NTRK3: variants seen among roughly 807,000 people sequenced by gnomAD.
The protein encoded by NTRK3 is NT-3 growth factor receptor.
NTRK3 carries 24 observed loss-of-function variants against 91.7 expected under a neutral mutation model. The observed-to-expected ratio is 0.26, with a 90% CI of 0.19 to 0.37. The LOEUF (loss-of-function observed/expected upper bound fraction) is 0.37. NTRK3 is among the 10% of genes least tolerant of loss of function. The pLI, the probability that NTRK3 is intolerant of heterozygous loss-of-function variation, is 1.00. For missense variants in NTRK3, 880 were observed against 1,068.9 expected (o/e 0.82, Z 2.46); for synonymous variants, 483 against 404.0 (o/e 1.20, Z -2.34).
chr15:88,010,753 C>CAT (rs951967880), intron 14 of NTRK3, among the ~76,000 whole-genome samples: 5 of 151,248 alleles, frequency 3.3e-5, no homozygotes, highest in African/African-American at 1.2e-4. Context: ...CACACCCACA[C>CAT]ACACACACAC....
chr15:88,192,525 A>G (rs2047492268), intron 3 of NTRK3, among the ~76,000 whole-genome samples: 1 of 151,956 alleles, frequency 6.6e-6, no homozygotes, highest in Admixed American at 6.6e-5. Flanking sequence ...CTCTTCAACA[A>G]TCTACATTAT....
At position 87,912,762 on chromosome 15, in the gene NTRK3, G is replaced by A. The variant is rs528493593; in HGVS notation, c.2133+16429C>T. Among the ~76,000 whole-genome samples, 5 of 150,256 alleles carry A rather than the reference G, an allele frequency of 3.3e-5. No homozygotes were observed. The South Asian group carries it at 8.5e-4, about 26-fold the overall frequency. ...ATGCTTACCCAAATTTCATCCAGAC[G>A]TTTATCAAGGTCTCTCATAGAATAC... is the stretch of plus-strand genomic sequence containing the variant. On this transcript the variant is annotated intron_variant, in intron 17 of 18. Coordinates refer to ENST00000394480, the Ensembl canonical transcript of NTRK3.
chr15:87,880,258 C>G lies in NTRK3; in HGVS notation c.2292+12G>C, dbSNP rs1233734139. ...CTCCCCCAATCAAGATTCCTACGCA[C>G]CCCCTTTTTACCTCCGTGTTTGAGA... On this transcript the variant is annotated intron_variant, in intron 18 of 18. Transcript: ENST00000394480. The G allele has an allele frequency of 6.2e-7, 1 of 1,613,940 alleles. No individual in the cohort carries two copies. Among genetic ancestry groups the G allele is most frequent in the Non-Finnish European group, 8.5e-7 (1 of 1,179,906 alleles).
At chr15:87,919,001 T>C (rs2067657924) in intron 17 of NTRK3, among the ~76,000 whole-genome samples, 1 of 152,208 alleles carries the variant, frequency 6.6e-6, no homozygotes, top group South Asian at 2.1e-4. Context: ...AAGCCATGGA[T>C]GTATCTAAAA....
chr15:87,866,145 A>G (rs1395291947), exon 19 of NTRK3: 4 of 225,690 alleles, frequency 1.8e-5, no homozygotes, highest in Non-Finnish European at 3.5e-5. Context: ...TATGTTAAGA[A>G]ACTGAGGTAA....
At chr15:88,221,570 C>A (rs2050238825) in intron 3 of NTRK3, among the ~76,000 whole-genome samples, 1 of 152,102 alleles carries the variant, frequency 6.6e-6, no homozygotes, top group African/African-American at 2.4e-5. Context: ...GCAGGTGGAT[C>A]CCTTGAGCCC....
At chr15:88,167,712 C>T (rs1045329505) in intron 5 of NTRK3, among the ~76,000 whole-genome samples, 10 of 152,106 alleles carry the variant, frequency 6.6e-5, no homozygotes, top group African/African-American at 2.4e-4. Flanking sequence ...CTGACCACCC[C>T]GACTCCATGT....
rs1035799438 is a variant in NTRK3 at position 87,964,970 on chromosome 15, ATGTG to A, written c.1586-24221_1586-24218del. ...TCTGTGCAAGTTTGTGTGTGTGTAT[ATGTG>A]TGTATTTTTTTAACCATGTGGTGAA... On this transcript the variant is annotated intron_variant, in intron 14 of 18. Transcript: ENST00000394480. Among the ~76,000 whole-genome samples, 11 of 152,312 alleles carry A rather than the reference ATGTG, an allele frequency of 7.2e-5. 1 individual carries two copies. The highest frequency in any genetic ancestry group is 2.6e-4 in the Admixed American group (4 of 15,300).
chr15:88,060,591 T>C (rs2046129847), intron 13 of NTRK3, among the ~76,000 whole-genome samples: 1 of 152,002 alleles, frequency 6.6e-6, no homozygotes, highest in Admixed American at 6.6e-5. Flanking sequence ...AGCCAGGCCG[T>C]GCATGACCAT....
At chr15:88,139,898 T>A (rs1422022504) in intron 6 of NTRK3, among the ~76,000 whole-genome samples, 1 of 110,692 alleles carries the variant, frequency 9.0e-6, no homozygotes, top group Non-Finnish European at 1.6e-5. Flanking sequence ...GGAGCTCATA[T>A]AGGCAAAGAC....
chr15:88,190,188 G>C (rs1462335322), intron 3 of NTRK3, among the ~76,000 whole-genome samples: 1 of 152,140 alleles, frequency 6.6e-6, no homozygotes, highest in East Asian at 1.9e-4. Flanking sequence ...CTGTCAGATT[G>C]CTGTTATCTT....
At chr15:88,226,191 C>G (rs561180147) in intron 3 of NTRK3, among the ~76,000 whole-genome samples, 1 of 152,292 alleles carries the variant, frequency 6.6e-6, no homozygotes, top group South Asian at 2.1e-4. Context: ...AGCTCTGGGA[C>G]CAAGAGTCCT....
At position 88,136,318 on chromosome 15, in the gene NTRK3, G is replaced by A. The variant is rs138365542; in HGVS notation, c.765+149C>T. On this transcript the variant is annotated intron_variant, in intron 8 of 18. Coordinates refer to ENST00000394480, the Ensembl canonical transcript of NTRK3. ...AAAAGTTGAGTAGCATGTATAGAGC[G>A]AAATGGCTAGAAAATATTGCAGCTG... is the stretch of plus-strand genomic sequence containing the variant. The A allele has an allele frequency of 1.9e-3, 2,084 of 1,100,988 alleles. 21 individuals carry two copies. The East Asian group carries it at 0.024, about 12-fold the overall frequency. The allele number at this position is 1,100,988 out of a possible 1,614,324, so 68.2% of individuals were successfully genotyped here.
chr15:87,912,931 A>ATATATATATATATATAT (rs1567099538), intron 17 of NTRK3, among the ~76,000 whole-genome samples: 20 of 36,418 alleles, frequency 5.5e-4, no homozygotes, highest in Non-Finnish European at 8.0e-4. Flanking sequence ...AGTAAAAAAA[A>ATATATATATATATATAT]ATATATATAT....
intron 13 of NTRK3, among the ~76,000 whole-genome samples, chr15:88,070,362 G>A (rs1013191320): frequency 6.6e-6 from 1 of 152,028 alleles, no homozygotes; most frequent in Admixed American, 6.6e-5. Flanking sequence ...GAGCCAGAAG[G>A]AAGGCAAGCA....
Position 87,933,215 on chromosome 15 carries a change from C to T in NTRK3, c.1717-31G>A, listed in dbSNP as rs1207793014. 5.6e-6 allele frequency: 9 copies of T among 1,612,728 alleles called. No homozygotes were observed. The Admixed American group carries it at 1.3e-4, about 24-fold the overall frequency. The stretch of plus-strand genomic sequence containing the variant: ...AACAATGCAGGACACAGGTGTTTAA[C>T]AACTACAGGGCAGGGGGCTGTCTTT... On this transcript the variant is annotated intron_variant, in intron 15 of 18. Transcript: ENST00000394480.
chr15:88,102,106 C>G (rs962361590), intron 13 of NTRK3, among the ~76,000 whole-genome samples: 10 of 152,094 alleles, frequency 6.6e-5, no homozygotes, highest in Non-Finnish European at 1.2e-4. Flanking sequence ...AGGACCTGCC[C>G]AGAACCACAG....
intron 15 of NTRK3, among the ~76,000 whole-genome samples, chr15:87,936,696 A>G (rs2069314821): frequency 6.6e-6 from 1 of 152,018 alleles, no homozygotes; most frequent in South Asian, 2.1e-4. Flanking sequence ...GCACGCACAC[A>G]TGCACACCTA....
intron 14 of NTRK3, among the ~76,000 whole-genome samples, chr15:87,965,653 A>G (rs2072724720): frequency 6.6e-6 from 1 of 152,248 alleles, no homozygotes; most frequent in Admixed American, 6.5e-5. Flanking sequence ...AGGATTTCCA[A>G]GGCTTGAAGG....
Sources: allele counts gnomAD v4.1 joint callset (sites outside exome capture counted in the v4.1 genomes callset), GRCh38; gene constraint gnomAD v4.1.1; transcripts MANE v1.5; gene names NCBI Gene and HGNC (gene_info 2026-07-23, HGNC 2026-07-21).